The following CNTN4 variants were observed in gnomAD, a reference collection of about 807,000 sequenced individuals.
CNTN4 encodes contactin 4.
CNTN4 carries 77 observed loss-of-function variants against 122.5 expected under a neutral mutation model. That is an observed-to-expected ratio of 0.63 (90% CI 0.52 to 0.76). The LOEUF is 0.76. CNTN4 is among the 30% of genes least tolerant of loss of function. The probability of loss-of-function intolerance (pLI) is 0.00; values close to 1 mark genes in which losing one functional copy is unlikely to be tolerated. For synonymous variants in CNTN4, 512 were observed against 447.0 expected, an observed-to-expected ratio of 1.15 and a Z score of -1.83; for missense variants, 1,256 against 1,259.1, an observed-to-expected ratio of 1.00 and a Z score of 0.04.
intron 4 of CNTN4, among the ~76,000 whole-genome samples, chr3:2,662,724 G>C (rs1004091422): frequency 2.0e-5 from 3 of 152,138 alleles, no homozygotes; most frequent in Admixed American, 2.0e-4. Flanking sequence ...CATAAAGGAA[G>C]GGCAATCATG....
At chr3:2,809,117 A>G (rs2092542701) in intron 6 of CNTN4, among the ~76,000 whole-genome samples, 1 of 152,236 alleles carries the variant, frequency 6.6e-6, no homozygotes, top group South Asian at 2.1e-4. Flanking sequence ...TGGAGACAGT[A>G]AAAAAGAAAG....
chr3:2,425,717 T>C (rs2047801146), intron 3 of CNTN4, among the ~76,000 whole-genome samples: 1 of 152,210 alleles, frequency 6.6e-6, no homozygotes, highest in South Asian at 2.1e-4. Context: ...GGAATGTTCT[T>C]CCATTTCTGT....
At chr3:2,719,507 C>G (rs568482288) in intron 4 of CNTN4, among the ~76,000 whole-genome samples, 1 of 152,206 alleles carries the variant, frequency 6.6e-6, no homozygotes, top group African/African-American at 2.4e-5. Flanking sequence ...AGGCTGATCT[C>G]GAATTTCTGA....
intron 2 of CNTN4, among the ~76,000 whole-genome samples, chr3:2,235,072 C>G (rs187771330): frequency 1.3e-5 from 2 of 152,108 alleles, no homozygotes; most frequent in East Asian, 1.9e-4. Context: ...TCAGAGCTTA[C>G]TCAGAACTAA....
At position 2,136,659 on chromosome 3, in the gene CNTN4, C is replaced by T. The variant is rs146266773; in HGVS notation, c.-145+36020C>T. 8.8e-3 allele frequency among the ~76,000 whole-genome samples: 1,311 copies of T among 149,784 alleles called. 7 individuals carry two copies. Among genetic ancestry groups the T allele is most frequent in the Non-Finnish European group, 0.011 (724 of 67,558 alleles). ...TGGTTTTGAGAGTATACATCTTAGA[C>T]AATTAAATGGTTACATTGCTTCCTT... On this transcript the variant is annotated intron_variant, in intron 2 of 24. Transcript: ENST00000418658.
chr3:2,269,138 GT>G (rs2041168621), intron 2 of CNTN4, among the ~76,000 whole-genome samples: 1 of 152,068 alleles, frequency 6.6e-6, no homozygotes, highest in Non-Finnish European at 1.5e-5. Context: ...AATTAGCAAC[GT>G]TTTCAAAGGT....
intron 2 of CNTN4, among the ~76,000 whole-genome samples, chr3:2,309,544 C>T (rs2042840235): frequency 6.6e-6 from 1 of 151,858 alleles, no homozygotes. Flanking sequence ...TTGTTTCTTC[C>T]CCATTTCCAT....
intron 13 of CNTN4, among the ~76,000 whole-genome samples, chr3:2,961,762 G>A (rs192194196): frequency 6.6e-6 from 1 of 152,240 alleles, no homozygotes; most frequent in African/African-American, 2.4e-5. Context: ...AATGAAATAA[G>A]CAGACTGGAG....
chr3:2,584,593 C>T (rs1156500022), intron 4 of CNTN4, among the ~76,000 whole-genome samples: 1 of 150,634 alleles, frequency 6.6e-6, no homozygotes, highest in Non-Finnish European at 1.5e-5. Flanking sequence ...AGTCCCAGCT[C>T]CTCAGGAGGC....
At chr3:2,822,480 T>C (rs1163945093) in intron 7 of CNTN4, among the ~76,000 whole-genome samples, 2 of 152,228 alleles carry the variant, frequency 1.3e-5, no homozygotes, top group African/African-American at 4.8e-5. Flanking sequence ...TGTGGACATA[T>C]ATTTAGATTC....
chr3:2,745,919 A>G lies in CNTN4; in HGVS notation c.358+222A>G, dbSNP rs2089727177. Among the ~76,000 whole-genome samples, 3 of 152,290 alleles carry G rather than the reference A, an allele frequency of 2.0e-5. No homozygotes were observed. The South Asian group carries it at 6.2e-4, about 32-fold the overall frequency. On this transcript the variant is annotated intron_variant, in intron 6 of 24. Transcript: ENST00000418658. ...ACTTCGATAAGGATTGAGATAGTTG[A>G]TTGTATGATAATTTGATTATATGAT...
intron 3 of CNTN4, among the ~76,000 whole-genome samples, chr3:2,534,345 C>T (rs555554090): frequency 2.9e-4 from 44 of 152,262 alleles, no homozygotes; most frequent in African/African-American, 1.0e-3. Context: ...TTTCCCAGCA[C>T]CATTTATTAA....
chr3:2,334,261 G>A (rs974857281), intron 2 of CNTN4, among the ~76,000 whole-genome samples: 6 of 152,104 alleles, frequency 3.9e-5, no homozygotes, highest in Non-Finnish European at 8.8e-5. Flanking sequence ...AGGTTCAAGC[G>A]ATTCTCCTGC....
At chr3:2,690,325 G>T (rs1331192488) in intron 4 of CNTN4, among the ~76,000 whole-genome samples, 2 of 152,138 alleles carry the variant, frequency 1.3e-5, no homozygotes, top group East Asian at 3.9e-4. Flanking sequence ...GGTGGCTGGA[G>T]TAAAGTCCCA....
intron 3 of CNTN4, among the ~76,000 whole-genome samples, chr3:2,375,332 G>A (rs1289956675): frequency 6.6e-6 from 1 of 152,196 alleles, no homozygotes; most frequent in Non-Finnish European, 1.5e-5. Flanking sequence ...TATGTCACAA[G>A]TCATCCCAAC....
intron 2 of CNTN4, among the ~76,000 whole-genome samples, chr3:2,331,176 T>C (rs569216606): frequency 6.6e-6 from 1 of 152,318 alleles, no homozygotes; most frequent in South Asian, 2.1e-4. Context: ...TAATTTTCCT[T>C]AGTTGAAATT....
At chr3:2,291,821 C>T (rs1050964209) in intron 2 of CNTN4, among the ~76,000 whole-genome samples, 1 of 152,236 alleles carries the variant, frequency 6.6e-6, no homozygotes, top group Admixed American at 6.5e-5. Context: ...GCAACCTCCG[C>T]CTCCCAGGTT....
At chr3:2,598,926 GA>G (rs1459497679) in intron 4 of CNTN4, among the ~76,000 whole-genome samples, 1 of 152,122 alleles carries the variant, frequency 6.6e-6, no homozygotes, top group Non-Finnish European at 1.5e-5. Flanking sequence ...TCAAATGGGA[GA>G]AGATTGTTAT....
chr3:3,001,227 CT>C (rs1314401434), intron 14 of CNTN4, among the ~76,000 whole-genome samples: 1 of 152,108 alleles, frequency 6.6e-6, no homozygotes, highest in Non-Finnish European at 1.5e-5. Context: ...ATTAAGCAGA[CT>C]TTTACCGCTA....
Sources: allele counts gnomAD v4.1 joint callset (sites outside exome capture counted in the v4.1 genomes callset), GRCh38; gene constraint gnomAD v4.1.1; transcripts MANE v1.5; gene names NCBI Gene and HGNC (gene_info 2026-07-23, HGNC 2026-07-21).